The following ADD2 variants were observed in gnomAD, a reference collection of about 807,000 sequenced individuals.
ADD2 encodes the protein adducin 2.
A neutral mutation model predicts 83.0 loss-of-function variants in ADD2; 23 were observed. The observed-to-expected ratio is 0.28, with a 90% CI of 0.20 to 0.39. ADD2 has a LOEUF of 0.39. ADD2 is among the 10% of genes least tolerant of loss of function. The probability of loss-of-function intolerance (pLI) is 1.00; values close to 1 mark genes in which losing one functional copy is unlikely to be tolerated. For missense variants in ADD2, 758 were observed against 944.9 expected, an observed-to-expected ratio of 0.80 and a Z score of 2.59; for synonymous variants, 375 against 375.4, an observed-to-expected ratio of 1.00 and a Z score of 0.01.
rs1314983889 is a variant in ADD2, at chr2:70,704,221, A to G, written c.322+100T>C. 5 of 1,459,556 alleles carry G rather than the reference A, an allele frequency of 3.4e-6. No individual in the cohort carries two copies. In the African/African-American group the frequency reaches 4.2e-5, roughly 12 times the overall value. 90.4% of individuals were successfully genotyped at this position (1,459,556 alleles called of 1,614,324 possible). On this transcript the variant is annotated intron_variant, in intron 4 of 15. Coordinates refer to ENST00000264436, the MANE Select transcript of ADD2 (RefSeq NM_001617.4). ...GATAACACAATGGGCTGCTTACTCCATAGCCTGGCAACCAGATGCTTCTTG... is the reference window on the plus strand; with the variant it reads ...GATAACACAATGGGCTGCTTACTCCGTAGCCTGGCAACCAGATGCTTCTTG...
At chr2:70,761,537 GACA>G (rs1675091615) in intron 1 of ADD2, among the ~76,000 whole-genome samples, 5 of 138,652 alleles carry the variant, frequency 3.6e-5, no homozygotes, top group African/African-American at 1.4e-4. Flanking sequence ...GAACCCAGGA[GACA>G]GAGGTTGCAG....
intron 12 of ADD2, 53 bp downstream of exon 12, chr2:70,677,705 T>C: frequency 6.3e-7 from 1 of 1,596,832 alleles, no homozygotes; most frequent in East Asian, 2.2e-5. Flanking sequence ...TTGTGGGACC[T>C]GAGACCCCCC....
intron 1 of ADD2, among the ~76,000 whole-genome samples, chr2:70,737,751 C>T (rs1673657356): frequency 6.6e-6 from 1 of 152,102 alleles, no homozygotes; most frequent in Non-Finnish European, 1.5e-5. Context: ...AAAAAAGAGG[C>T]TTGATACTGT....
At chr2:70,760,271 T>C (rs78452801) in intron 1 of ADD2, among the ~76,000 whole-genome samples, 1,718 of 152,238 alleles carry the variant, frequency 0.011, 44 homozygotes, top group African/African-American at 0.039. Context: ...CCATGACACA[T>C]GCATACGTCT....
chr2:70,683,732 G>A lies in ADD2; in HGVS notation c.984C>T (p.Asn328=). The part of the protein sequence containing the change: ...SALSSAGGVE[N]LILLEQEKHR... ...GCTTCTCCTGCTCCAGGAGGATGAG[G>A]TTCTCCACTCCCCCGGCACTGGACA... The change falls in exon 10 of 16, where the codon AAC becomes AAT. Residue 328 remains asparagine (N), a synonymous_variant. Transcript: ENST00000264436. 3.7e-6 allele frequency: 6 copies of A among 1,614,054 alleles called. No homozygotes were observed. Among genetic ancestry groups the A allele is most frequent in the Non-Finnish European group, 4.2e-6 (5 of 1,179,962 alleles).
intron 10 of ADD2, among the ~76,000 whole-genome samples, chr2:70,681,045 G>C (rs1302928588): frequency 2.0e-5 from 3 of 152,180 alleles, no homozygotes; most frequent in Non-Finnish European, 4.4e-5. Context: ...GAAGAGGAAA[G>C]GGGCCTGAAT....
chr2:70,711,978 G>C (rs1553375532), intron 2 of ADD2, among the ~76,000 whole-genome samples: 1 of 152,160 alleles, frequency 6.6e-6, no homozygotes, highest in Non-Finnish European at 1.5e-5. Context: ...GTTAGCTTGT[G>C]TGCCCTTCAA....
chr2:70,663,239 G>A lies in ADD2; in HGVS notation c.*186C>T. The A allele has an allele frequency of 1.5e-6, 1 of 661,110 alleles. No individual in the cohort carries two copies. Among genetic ancestry groups the A allele is most frequent in the South Asian group, 2.0e-5 (1 of 49,212 alleles). The allele number at this position is 661,110 out of a possible 1,614,324, so 41.0% of individuals were successfully genotyped here. On this transcript the variant is annotated 3_prime_UTR_variant, in exon 16 of 16. Transcript: ENST00000264436. ...TAACTAGCTGTGTGACCTTGGGCAA[G>A]TCACCTGATTTCTCTTGGGCAACTG...
intron 1 of ADD2, among the ~76,000 whole-genome samples, chr2:70,759,163 C>G (rs1674953399): frequency 1.3e-5 from 2 of 152,082 alleles, no homozygotes; most frequent in South Asian, 4.1e-4. Context: ...GAAAACCATT[C>G]CAGGCATTAA....
At chr2:70,708,486 G>C (rs782473452) in intron 2 of ADD2, among the ~76,000 whole-genome samples, 2 of 152,202 alleles carry the variant, frequency 1.3e-5, no homozygotes, top group Non-Finnish European at 2.9e-5. Context: ...CCATAGTTTA[G>C]ATGTTAATGG....
In ADD2 at chr2:70,665,844, C is replaced by T. The variant is rs77163217; in HGVS notation, c.1871-2109G>A. Among the ~76,000 whole-genome samples, 7 of 148,772 alleles carry T rather than the reference C, an allele frequency of 4.7e-5. 1 individual carries two copies. The East Asian group carries it at 1.4e-3, about 29-fold the overall frequency. On this transcript the variant is annotated intron_variant, in intron 15 of 15. Coordinates refer to ENST00000264436, the MANE Select transcript of ADD2 (RefSeq NM_001617.4). Reference sequence around the variant, plus strand: ...TTTTTTTTTTTTTCCCGAAACAGTCCTGCTCTGTCGCTTAGAGCTGGAGTG... The same window carrying T: ...TTTTTTTTTTTTTCCCGAAACAGTCTTGCTCTGTCGCTTAGAGCTGGAGTG...
intron 1 of ADD2, among the ~76,000 whole-genome samples, chr2:70,763,170 A>T (rs1453738213): frequency 6.6e-6 from 1 of 152,050 alleles, no homozygotes; most frequent in Non-Finnish European, 1.5e-5. Flanking sequence ...CATCTCTTTC[A>T]GTAACATTGG....
chr2:70,704,265 C>CCCCCCCCCCCCCCCCCCCCCCCCCA, intron 4 of ADD2, 56 bp downstream of exon 4: 2 of 442,434 alleles, frequency 4.5e-6, no homozygotes, highest in Non-Finnish European at 9.1e-6. Context: ...CCCTCTCTTC[C>CCCCCCCCCCCCCCCCCCCCCCCCCA]CCACCCCACC....
chr2:70,720,658 G>A (rs1337698031), intron 1 of ADD2, among the ~76,000 whole-genome samples: 1 of 152,172 alleles, frequency 6.6e-6, no homozygotes, highest in African/African-American at 2.4e-5. Context: ...GGATATTAAG[G>A]AAAGAGCTAT....
At chr2:70,754,447 A>C (rs1553383471) in intron 1 of ADD2, among the ~76,000 whole-genome samples, 1 of 151,882 alleles carries the variant, frequency 6.6e-6, no homozygotes, top group Non-Finnish European at 1.5e-5. Context: ...CCAGCCCTAT[A>C]GTCACCTCTA....
Position 70,719,594 on chromosome 2 carries a change from G to T in ADD2, c.-153-6410C>A, listed in dbSNP as rs782351907. Among the ~76,000 whole-genome samples, 5 of 152,316 alleles carry T rather than the reference G, an allele frequency of 3.3e-5. No homozygotes were observed. The South Asian group carries it at 1.0e-3, about 32-fold the overall frequency. On this transcript the variant is annotated intron_variant, in intron 1 of 15. Transcript: ENST00000264436. Reference sequence around the variant, plus strand: ...GAGACAGTGCTGAGCTAGCAGGATGGCTGGGCTCAGTCTTCCCACACTCAG... The same window carrying T: ...GAGACAGTGCTGAGCTAGCAGGATGTCTGGGCTCAGTCTTCCCACACTCAG...
At chr2:70,725,027 G>T (rs1485816460) in intron 1 of ADD2, among the ~76,000 whole-genome samples, 1 of 152,166 alleles carries the variant, frequency 6.6e-6, no homozygotes, top group Non-Finnish European at 1.5e-5. Context: ...TCCCATAAGG[G>T]TGAAGAACAA....
At chr2:70,713,004 G>T in intron 2 of ADD2, 62 bp downstream of exon 2, 1 of 742,882 alleles carries the variant, frequency 1.3e-6, no homozygotes, top group Non-Finnish European at 1.6e-6. Context: ...TACCTCACGT[G>T]ATGGGCCCAG....
chr2:70,719,544 T>C (rs1212007703), intron 1 of ADD2, among the ~76,000 whole-genome samples: 4 of 151,954 alleles, frequency 2.6e-5, no homozygotes, highest in African/African-American at 9.7e-5. Flanking sequence ...GAAGAAAGGG[T>C]TGTTGGGGAA....
Sources: allele counts gnomAD v4.1 joint callset (sites outside exome capture counted in the v4.1 genomes callset), GRCh38; gene constraint gnomAD v4.1.1; transcripts MANE v1.5; gene names NCBI Gene and HGNC (gene_info 2026-07-23, HGNC 2026-07-21).